GRIA2: variants seen among roughly 807,000 people sequenced by gnomAD.
GRIA2 encodes the protein glutamate receptor 2.
A neutral mutation model predicts 97.3 loss-of-function variants in GRIA2; 14 were observed. The observed-to-expected ratio is 0.14, with a 90% CI of 0.10 to 0.23. The LOEUF is 0.23. Among genes scored for constraint, GRIA2 ranks in the 10% least tolerant of loss-of-function variants. GRIA2 has a pLI of 1.00. For synonymous variants in GRIA2, 412 were observed against 387.8 expected, an observed-to-expected ratio of 1.06 and a Z score of -0.73; for missense variants, 558 against 1,069.8, an observed-to-expected ratio of 0.52 and a Z score of 6.67.
chr4:157,229,949 CTGATAGAAA>C (rs1729925406), intron 2 of GRIA2, among the ~76,000 whole-genome samples: 1 of 152,158 alleles, frequency 6.6e-6, no homozygotes, highest in South Asian at 2.1e-4. Flanking sequence ...ACCCAACTTA[CTGATAGAAA>C]TGACTGAAAT....
intron 6 of GRIA2, 79 bp from the exon 7 acceptor site, chr4:157,332,740 A>T: frequency 1.0e-6 from 1 of 968,356 alleles, no homozygotes; most frequent in Non-Finnish European, 1.6e-6. Context: ...GTGCTGAGCA[A>T]CTGCAGTCTT....
chr4:157,358,840 T>G (rs1736508902), intron 12 of GRIA2, among the ~76,000 whole-genome samples: 1 of 152,202 alleles, frequency 6.6e-6, no homozygotes, highest in African/African-American at 2.4e-5. Flanking sequence ...TGGATTTATA[T>G]CATATGTCTG....
At chr4:157,348,706 T>G (rs1368910252) in intron 12 of GRIA2, among the ~76,000 whole-genome samples, 1 of 152,174 alleles carries the variant, frequency 6.6e-6, no homozygotes, top group Non-Finnish European at 1.5e-5. Context: ...TCTCTCAGAT[T>G]TTTTAGTCTA....
intron 6 of GRIA2, among the ~76,000 whole-genome samples, chr4:157,327,764 AT>A (rs1417952413): frequency 6.6e-6 from 1 of 152,074 alleles, no homozygotes; most frequent in East Asian, 1.9e-4. Context: ...CAAGAATCTC[AT>A]TTTATTCAGG....
At chr4:157,337,247 G>A (rs375824855) in intron 11 of GRIA2, among the ~76,000 whole-genome samples, 7 of 151,952 alleles carry the variant, frequency 4.6e-5, no homozygotes, top group African/African-American at 1.7e-4. Flanking sequence ...TCTAGGTGAG[G>A]TTGCTGGATT....
intron 12 of GRIA2, among the ~76,000 whole-genome samples, chr4:157,341,710 G>A (rs963432888): frequency 1.3e-5 from 2 of 152,068 alleles, no homozygotes; most frequent in Non-Finnish European, 2.9e-5. Flanking sequence ...TACAAAAATT[G>A]ATTGTCCTTT....
At chr4:157,281,227 G>C in intron 2 of GRIA2, among the ~76,000 whole-genome samples, 1 of 152,166 alleles carries the variant, frequency 6.6e-6, no homozygotes, top group South Asian at 2.1e-4. Flanking sequence ...GTATGCGCCA[G>C]AGTTAGAGAA....
intron 2 of GRIA2, among the ~76,000 whole-genome samples, chr4:157,231,589 T>A (rs1270544926): frequency 1.3e-5 from 2 of 152,178 alleles, no homozygotes; most frequent in Non-Finnish European, 2.9e-5. Flanking sequence ...CTGAAAAGGT[T>A]TGAAAAATTT....
At chr4:157,262,570 G>C (rs948728602) in intron 2 of GRIA2, among the ~76,000 whole-genome samples, 3 of 151,974 alleles carry the variant, frequency 2.0e-5, no homozygotes, top group Non-Finnish European at 4.4e-5. Context: ...TATGGCTTCT[G>C]AGCTATAGTC....
At chr4:157,333,484 T>C (rs1735150085) in intron 8 of GRIA2, 131 bp downstream of exon 8, 1 of 437,916 alleles carries the variant, frequency 2.3e-6, no homozygotes, top group South Asian at 6.5e-5. Flanking sequence ...AACAGATATA[T>C]TTTGAAGTTT....
chr4:157,273,807 A>G (rs1732148387), intron 2 of GRIA2, among the ~76,000 whole-genome samples: 1 of 152,100 alleles, frequency 6.6e-6, no homozygotes, highest in Non-Finnish European at 1.5e-5. Context: ...AAAGAACAGA[A>G]CTAATAATGA....
chr4:157,340,226 A>C (rs556619346), intron 11 of GRIA2, among the ~76,000 whole-genome samples: 4 of 152,032 alleles, frequency 2.6e-5, no homozygotes, highest in Admixed American at 6.6e-5. Context: ...AAATTTTTAG[A>C]ACTATCACTT....
At chr4:157,266,300 T>C (rs1211832570) in intron 2 of GRIA2, among the ~76,000 whole-genome samples, 1 of 151,994 alleles carries the variant, frequency 6.6e-6, no homozygotes, top group Admixed American at 6.6e-5. Flanking sequence ...CGGATGAGAG[T>C]ACCTAAAGTG....
chr4:157,313,163 T>C (rs999021428), intron 4 of GRIA2, among the ~76,000 whole-genome samples: 3 of 152,126 alleles, frequency 2.0e-5, no homozygotes, highest in South Asian at 2.1e-4. Context: ...ATATTTTCAT[T>C]TGAAAATTTT....
chr4:157,317,669 T>G lies in GRIA2; in HGVS notation c.678T>G (p.Ile226Met). 1 of 1,203,936 alleles carries G rather than the reference T, an allele frequency of 8.3e-7. No homozygotes were observed. Among genetic ancestry groups the G allele is most frequent in the Non-Finnish European group, 1.2e-6 (1 of 815,540 alleles). 74.6% of individuals were successfully genotyped at this position (1,203,936 alleles called of 1,614,324 possible). Reference sequence around the variant, plus strand: ...TTTGTGCTTATTAGGTTATTACCATTGGAAAACATGTTAAAGGGTACCACT... The same window carrying G: ...TTTGTGCTTATTAGGTTATTACCATGGGAAAACATGTTAAAGGGTACCACT... ...VNDIVDQVIT[I>M]GKHVKGYHYI... Residue 226 changes from isoleucine to methionine, a missense_variant, in exon 5 of 16, where the codon ATT (isoleucine) becomes ATG (methionine). Physicochemically the swap from Ile to Met is conservative, Grantham distance 10. This residue lies in a region of GRIA2 where 173 missense variants were observed against 209.1 expected (regional missense o/e 0.83). Transcript: ENST00000264426.
At chr4:157,225,994 G>A (rs1395038851) in intron 2 of GRIA2, among the ~76,000 whole-genome samples, 1 of 151,954 alleles carries the variant, frequency 6.6e-6, no homozygotes. Flanking sequence ...CTGTGTAAAA[G>A]GGCTATAAAC....
At chr4:157,307,147 G>C (rs1186235030) in intron 3 of GRIA2, among the ~76,000 whole-genome samples, 1 of 151,956 alleles carries the variant, frequency 6.6e-6, no homozygotes, top group African/African-American at 2.4e-5. Flanking sequence ...AATAGCATAG[G>C]GTCCAAATGT....
intron 2 of GRIA2, among the ~76,000 whole-genome samples, chr4:157,248,070 T>C (rs913437150): frequency 6.6e-6 from 1 of 151,688 alleles, no homozygotes; most frequent in Non-Finnish European, 1.5e-5. Context: ...TATATATATA[T>C]AATCATATCA....
rs1037879371 is a variant in GRIA2, at chr4:157,361,769, A to G, written c.2406+645A>G. 6.0e-6 allele frequency: 4 copies of G among 664,854 alleles called. No homozygotes were observed. The highest frequency in any genetic ancestry group is 1.8e-5 in the African/African-American group (1 of 54,758). 41.2% of individuals were successfully genotyped at this position (664,854 alleles called of 1,614,324 possible). ...AAATAGAATGTAAATGCAAATATGC[A>G]TGAGATGCATAATTTGGTAAGATGT... is the stretch of plus-strand genomic sequence containing the variant. On this transcript the variant is annotated intron_variant, in intron 14 of 15. Coordinates refer to ENST00000264426, the MANE Select transcript of GRIA2 (RefSeq NM_001083619.3). The surrounding 1 kb of genome is among the most constrained non-coding windows in gnomAD (Gnocchi z 5.2).
Sources: gnomAD v4.1 joint callset for allele counts (sites outside exome capture counted in the v4.1 genomes callset) on GRCh38, gnomAD v4.1.1 for gene constraint, gnomAD v4.1.1 regional missense constraint, Gnocchi (gnomAD v3.1) non-coding constraint, MANE v1.5 for transcripts, NCBI Gene and HGNC (gene_info 2026-07-23, HGNC 2026-07-21) for gene names.